The following LSAMP variants were observed in gnomAD, a reference collection of about 807,000 sequenced individuals.
LSAMP encodes limbic system associated membrane protein, also known as limbic system-associated membrane protein.
In LSAMP, 7 loss-of-function variants were observed where a neutral mutation model predicts 38.6. That is an observed-to-expected ratio of 0.18 (90% confidence interval 0.10 to 0.34). The LOEUF (loss-of-function observed/expected upper bound fraction) is 0.34, where lower values mean the gene tolerates loss of function less well. Ranked by LOEUF, LSAMP falls within the 10% of genes least tolerant of loss-of-function variation. The probability of loss-of-function intolerance (pLI) is 1.00; values close to 1 mark genes in which losing one functional copy is unlikely to be tolerated. For missense variants in LSAMP, 313 were observed against 420.0 expected, an observed-to-expected ratio of 0.75 and a Z score of 2.23; for synonymous variants, 154 against 166.8, an observed-to-expected ratio of 0.92 and a Z score of 0.59.
At chr3:116,255,810 T>A (rs1481352248) in intron 1 of LSAMP, among the ~76,000 whole-genome samples, 1 of 152,166 alleles carries the variant, frequency 6.6e-6, no homozygotes, top group Non-Finnish European at 1.5e-5. Flanking sequence ...GAAAAAAATG[T>A]ATGCTTCCAG....
chr3:115,889,694 C>A lies in LSAMP; in HGVS notation c.515-37077G>T, dbSNP rs541142971. On this transcript the variant is annotated intron_variant, in intron 3 of 6. Coordinates refer to ENST00000490035, the MANE Select transcript of LSAMP (RefSeq NM_002338.5). ...AATAGTCTGTAATTCTATAAGGTAACCCTATAAGAGAAGTTTTCCTCTTTA... is the reference window on the plus strand; with the variant it reads ...AATAGTCTGTAATTCTATAAGGTAAACCTATAAGAGAAGTTTTCCTCTTTA... Among the ~76,000 whole-genome samples, 46 of 151,950 alleles carry A rather than the reference C, an allele frequency of 3.0e-4. No individual in the cohort carries two copies. The South Asian group carries it at 3.3e-3, about 11-fold the overall frequency.
intron 1 of LSAMP, among the ~76,000 whole-genome samples, chr3:116,283,685 C>G (rs1247253816): frequency 6.6e-6 from 1 of 152,006 alleles, no homozygotes; most frequent in Non-Finnish European, 1.5e-5. Context: ...TATAATGAAC[C>G]CTATGAATCT....
At chr3:116,411,135 G>A (rs2048970236) in intron 1 of LSAMP, among the ~76,000 whole-genome samples, 1 of 152,074 alleles carries the variant, frequency 6.6e-6, no homozygotes. Context: ...AACAGGTGCT[G>A]GAGAGGATGT....
intron 3 of LSAMP, among the ~76,000 whole-genome samples, chr3:115,912,058 A>C (rs953957097): frequency 6.6e-6 from 1 of 152,152 alleles, no homozygotes; most frequent in African/African-American, 2.4e-5. Flanking sequence ...TATACATTCT[A>C]GCTATCACTC....
intron 1 of LSAMP, among the ~76,000 whole-genome samples, chr3:116,215,504 C>T (rs746305488): frequency 1.3e-5 from 2 of 152,076 alleles, no homozygotes; most frequent in African/African-American, 4.8e-5. Context: ...AGGTGGAGGC[C>T]GCTTATTGAA....
At chr3:115,872,902 G>A (rs578159359) in intron 3 of LSAMP, among the ~76,000 whole-genome samples, 4 of 152,218 alleles carry the variant, frequency 2.6e-5, no homozygotes, top group African/African-American at 7.2e-5. Flanking sequence ...GCTAAGCAAC[G>A]TGACACATGC....
At chr3:115,970,458 G>C (rs1938979158) in intron 3 of LSAMP, among the ~76,000 whole-genome samples, 1 of 152,104 alleles carries the variant, frequency 6.6e-6, no homozygotes. Flanking sequence ...CAATCAGTTT[G>C]GCAGGATAAT....
At chr3:116,386,361 T>C (rs1020947399) in intron 1 of LSAMP, among the ~76,000 whole-genome samples, 3 of 152,120 alleles carry the variant, frequency 2.0e-5, no homozygotes, top group Non-Finnish European at 2.9e-5. Flanking sequence ...AATTCAACCA[T>C]CTCAGGCAGA....
chr3:116,009,850 A>G (rs1183156813), intron 3 of LSAMP, among the ~76,000 whole-genome samples: 1 of 151,712 alleles, frequency 6.6e-6, no homozygotes, highest in African/African-American at 2.4e-5. Flanking sequence ...TTGTCACCAC[A>G]TACATAAAGA....
At chr3:116,061,832 G>C (rs1337364426) in intron 2 of LSAMP, among the ~76,000 whole-genome samples, 1 of 152,122 alleles carries the variant, frequency 6.6e-6, no homozygotes, top group East Asian at 1.9e-4. Flanking sequence ...ACAAACATTC[G>C]TTGAATGTAT....
At chr3:116,082,842 CTT>C (rs1707901700) in intron 2 of LSAMP, among the ~76,000 whole-genome samples, 1 of 151,954 alleles carries the variant, frequency 6.6e-6, no homozygotes, top group Non-Finnish European at 1.5e-5. Flanking sequence ...ATGATAAGAA[CTT>C]ATGAACACAA....
chr3:115,986,288 A>C (rs111775602), intron 3 of LSAMP, among the ~76,000 whole-genome samples: 87 of 152,268 alleles, frequency 5.7e-4, no homozygotes, highest in African/African-American at 2.0e-3. Flanking sequence ...AAAGAAATAA[A>C]ACATGCTTGA....
At chr3:116,335,648 C>T (rs1384456887) in intron 1 of LSAMP, among the ~76,000 whole-genome samples, 7 of 152,028 alleles carry the variant, frequency 4.6e-5, no homozygotes, top group South Asian at 4.1e-4. Context: ...ATCTATCATA[C>T]GTGAAAATTA....
intron 1 of LSAMP, among the ~76,000 whole-genome samples, chr3:116,203,116 T>C (rs2046010523): frequency 6.6e-6 from 1 of 152,210 alleles, no homozygotes; most frequent in Non-Finnish European, 1.5e-5. Flanking sequence ...TTCATGTCTT[T>C]TATTTTCCTT....
chr3:116,413,736 A>G (rs1395201500), intron 1 of LSAMP, among the ~76,000 whole-genome samples: 1 of 152,112 alleles, frequency 6.6e-6, no homozygotes, highest in African/African-American at 2.4e-5. Flanking sequence ...TCAGATACCA[A>G]TTGTAGTTCA....
At chr3:115,863,166 C>T (rs1293406044) in intron 3 of LSAMP, among the ~76,000 whole-genome samples, 2 of 152,154 alleles carry the variant, frequency 1.3e-5, no homozygotes, top group Admixed American at 6.5e-5. Flanking sequence ...ATTTAAAAAG[C>T]GCTGCATGAG....
At chr3:116,332,131 C>T (rs1483761714) in intron 1 of LSAMP, among the ~76,000 whole-genome samples, 4 of 152,062 alleles carry the variant, frequency 2.6e-5, no homozygotes, top group South Asian at 2.1e-4. Flanking sequence ...TGAGCCACCA[C>T]ACCCGGCCTT....
At chr3:116,210,340 T>G (rs949606058) in intron 1 of LSAMP, among the ~76,000 whole-genome samples, 2 of 152,198 alleles carry the variant, frequency 1.3e-5, no homozygotes, top group African/African-American at 4.8e-5. Context: ...GGGCACCATC[T>G]AATCAACTGC....
chr3:116,040,142 C>T (rs1434488911), intron 2 of LSAMP, among the ~76,000 whole-genome samples: 2 of 152,172 alleles, frequency 1.3e-5, no homozygotes, highest in South Asian at 2.1e-4. Flanking sequence ...TAGTTTTATC[C>T]TTCCTGGGTA....
Sources: allele counts gnomAD v4.1 joint callset (sites outside exome capture counted in the v4.1 genomes callset), GRCh38; gene constraint gnomAD v4.1.1; transcripts MANE v1.5; gene names NCBI Gene and HGNC (gene_info 2026-07-23, HGNC 2026-07-21).